The following GABRG3 variants were observed in gnomAD, a reference collection of about 807,000 sequenced individuals.
The protein encoded by GABRG3 is gamma-aminobutyric acid receptor subunit gamma-3.
GABRG3 carries 25 observed loss-of-function variants against 48.8 expected under a neutral mutation model. The observed-to-expected ratio is 0.51, with a 90% confidence interval of 0.37 to 0.72. The LOEUF (loss-of-function observed/expected upper bound fraction) is 0.72. Ranked by LOEUF, GABRG3 falls within the 30% of genes least tolerant of loss-of-function variation. The probability of loss-of-function intolerance (pLI) is 0.00; values close to 1 mark genes in which losing one functional copy is unlikely to be tolerated. For missense variants in GABRG3, 394 were observed against 577.9 expected (o/e 0.68, Z 3.26); for synonymous variants, 227 against 217.6 (o/e 1.04, Z -0.38).
chr15:27,376,536 T>C (rs28875578), intron 5 of GABRG3, among the ~76,000 whole-genome samples: 69,845 of 152,112 alleles, frequency 0.46, 17,032 homozygotes, highest in African/African-American at 0.62. Flanking sequence ...CAGAGGTTCC[T>C]AAACCTCAGT....
At chr15:27,431,585 A>AT (rs1465810742) in intron 5 of GABRG3, among the ~76,000 whole-genome samples, 1 of 152,116 alleles carries the variant, frequency 6.6e-6, no homozygotes, top group Admixed American at 6.5e-5. Flanking sequence ...GAGAGCAGGC[A>AT]TTTTGTCTTG....
chr15:27,082,540 C>A (rs1595512376), intron 3 of GABRG3, among the ~76,000 whole-genome samples: 2 of 152,090 alleles, frequency 1.3e-5, no homozygotes, highest in African/African-American at 2.4e-5. Flanking sequence ...TTAAATGGAA[C>A]CTGATTAGAA....
intron 3 of GABRG3, among the ~76,000 whole-genome samples, chr15:27,164,013 C>T (rs1887292704): frequency 6.6e-6 from 1 of 152,090 alleles, no homozygotes; most frequent in African/African-American, 2.4e-5. Context: ...GGACCCATGT[C>T]CATGTTCGCA....
At chr15:27,143,644 C>T (rs1898146518) in intron 3 of GABRG3, among the ~76,000 whole-genome samples, 1 of 152,162 alleles carries the variant, frequency 6.6e-6, no homozygotes, top group African/African-American at 2.4e-5. Context: ...CGAGTGTATC[C>T]TTTCTATAGA....
At chr15:27,107,124 A>T (rs981460820) in intron 3 of GABRG3, among the ~76,000 whole-genome samples, 2 of 152,058 alleles carry the variant, frequency 1.3e-5, no homozygotes, top group Non-Finnish European at 2.9e-5. Flanking sequence ...ATCTCTTACC[A>T]TTAAATATTC....
chr15:27,124,052 G>A (rs1396988030), intron 3 of GABRG3, among the ~76,000 whole-genome samples: 1 of 152,140 alleles, frequency 6.6e-6, no homozygotes, highest in African/African-American at 2.4e-5. Flanking sequence ...TTGGTAGAGG[G>A]GTGTTTGGAG....
intron 3 of GABRG3, among the ~76,000 whole-genome samples, chr15:27,219,047 G>A (rs888481340): frequency 5.3e-5 from 8 of 152,162 alleles, no homozygotes; most frequent in African/African-American, 1.2e-4. Context: ...ATGGAACCAC[G>A]CGTGCTCTGA....
intron 5 of GABRG3, among the ~76,000 whole-genome samples, chr15:27,471,674 T>G (rs35509476): frequency 0.099 from 15,080 of 152,216 alleles, 1,351 homozygotes; most frequent in African/African-American, 0.24. Flanking sequence ...GTTTCAGAAT[T>G]TATTCTCATA....
intron 3 of GABRG3, among the ~76,000 whole-genome samples, chr15:27,087,908 G>A (rs778634369): frequency 3.3e-5 from 5 of 149,818 alleles, no homozygotes; most frequent in Admixed American, 6.6e-5. Flanking sequence ...GCATGTGTGA[G>A]TGTGGTGTGC....
intron 3 of GABRG3, among the ~76,000 whole-genome samples, chr15:27,187,490 C>T (rs1888135595): frequency 6.6e-6 from 1 of 152,120 alleles, no homozygotes; most frequent in African/African-American, 2.4e-5. Context: ...ATGTAAATCA[C>T]TTTGAGCAGT....
At chr15:27,455,221 C>T (rs1292854600) in intron 5 of GABRG3, among the ~76,000 whole-genome samples, 1 of 152,222 alleles carries the variant, frequency 6.6e-6, no homozygotes, top group Non-Finnish European at 1.5e-5. Flanking sequence ...GGGCTAGCAG[C>T]ATGAGGGGCT....
At chr15:27,231,803 A>G (rs1889809281) in intron 3 of GABRG3, among the ~76,000 whole-genome samples, 2 of 152,224 alleles carry the variant, frequency 1.3e-5, no homozygotes, top group Admixed American at 1.3e-4. Context: ...TGATTTTTCC[A>G]CAGTTATATG....
chr15:27,243,283 A>G (rs80275816), intron 3 of GABRG3, among the ~76,000 whole-genome samples: 1,563 of 152,302 alleles, frequency 0.01, 38 homozygotes, highest in African/African-American at 0.036. Context: ...CGCTGTGAAA[A>G]TAACACCCGA....
chr15:27,168,719 A>G (rs764814816), intron 3 of GABRG3, among the ~76,000 whole-genome samples: 2 of 152,228 alleles, frequency 1.3e-5, no homozygotes, highest in Non-Finnish European at 2.9e-5. Flanking sequence ...CACAGCAAGA[A>G]GATGTGGTCT....
rs1333296655 is a variant in GABRG3, at chr15:27,536,605, T to A, written c.*3724T>A. On this transcript the variant is annotated 3_prime_UTR_variant, in exon 10 of 10. Coordinates refer to ENST00000615808, the MANE Select transcript of GABRG3 (RefSeq NM_033223.5). ...ATGCGTGTTCTCAAGAGCAAAGCAT[T>A]TTCACTCTACATAAGGGAAATTGGG... The A allele has an allele frequency of 6.6e-6, 1 of 152,168 alleles. No individual in the cohort carries two copies. Among genetic ancestry groups the A allele is most frequent in the Non-Finnish European group, 1.5e-5 (1 of 68,032 alleles). The allele number at this position is 152,168 out of a possible 1,614,324, so 9.4% of individuals were successfully genotyped here.
intron 5 of GABRG3, among the ~76,000 whole-genome samples, chr15:27,381,732 A>G (rs1269751249): frequency 6.6e-6 from 1 of 152,230 alleles, no homozygotes; most frequent in African/African-American, 2.4e-5. Context: ...CAGGACTGGA[A>G]ACCAGAAGTC....
chr15:27,311,571 C>T (rs1011709134), intron 3 of GABRG3, among the ~76,000 whole-genome samples: 2 of 151,922 alleles, frequency 1.3e-5, no homozygotes, highest in Non-Finnish European at 2.9e-5. Flanking sequence ...TAGCTAAAAA[C>T]CAAAACAAAA....
intron 6 of GABRG3, among the ~76,000 whole-genome samples, chr15:27,504,399 A>G (rs1413035486): frequency 2.6e-5 from 4 of 152,004 alleles, no homozygotes; most frequent in African/African-American, 7.2e-5. Context: ...TTAGCAGTTT[A>G]TTTTAGAGCT....
chr15:27,454,593 A>G (rs1358269677), intron 5 of GABRG3, among the ~76,000 whole-genome samples: 1 of 152,174 alleles, frequency 6.6e-6, no homozygotes, highest in Non-Finnish European at 1.5e-5. Flanking sequence ...TGCTGATGTA[A>G]TGCCATTTCT....
Sources: gnomAD v4.1 joint callset for allele counts (sites outside exome capture counted in the v4.1 genomes callset) on GRCh38, gnomAD v4.1.1 for gene constraint, MANE v1.5 for transcripts, NCBI Gene and HGNC (gene_info 2026-07-23, HGNC 2026-07-21) for gene names.